Variants in OR2T11 observed in about 807,000 individuals in gnomAD.
OR2T11 encodes olfactory receptor family 2 subfamily T member 11.
A neutral mutation model predicts 13.5 loss-of-function variants in OR2T11; 14 were observed. The ratio of observed to expected loss-of-function variants is 1.04; its 90% CI spans 0.69 to 1.62. The LOEUF is 1.62. Among genes scored for constraint, OR2T11 ranks in the 40% most tolerant of loss-of-function variants. The probability of loss-of-function intolerance (pLI) is 0.00; values close to 1 mark genes in which losing one functional copy is unlikely to be tolerated. For missense variants in OR2T11, 410 were observed against 389.7 expected, an observed-to-expected ratio of 1.05 and a Z score of -0.44; for synonymous variants, 163 against 154.6, an observed-to-expected ratio of 1.05 and a Z score of -0.40.
At position 248,624,072 on chromosome 1, in the gene OR2T11, T is replaced by C. The variant is rs1279094795; in HGVS notation, c.*2106A>G. 7.0e-6 allele frequency: 1 copy of C among 142,208 alleles called. No individual in the cohort carries two copies. The highest frequency in any genetic ancestry group is 6.9e-5 in the Admixed American group (1 of 14,586). The allele number at this position is 142,208 out of a possible 1,614,324, so 8.8% of individuals were successfully genotyped here. Reference sequence around the variant, plus strand: ...CTGCCTGACCTCCTGCTATTGTCACTGAGTTGGCCATGCTCTTACAAAAGT... The same window carrying C: ...CTGCCTGACCTCCTGCTATTGTCACCGAGTTGGCCATGCTCTTACAAAAGT... On this transcript the variant is annotated 3_prime_UTR_variant, in exon 2 of 2. Coordinates refer to ENST00000641193, the MANE Select transcript of OR2T11 (RefSeq NM_001001964.2).
Position 248,625,979 on chromosome 1 carries a change from T to A in OR2T11, c.*199A>T, listed in dbSNP as rs1425509343. ...AATTATTTAACTTCATAATAAACCATTTTTGATACTTCACTGAAAGATCTC... is the reference window on the plus strand; with the variant it reads ...AATTATTTAACTTCATAATAAACCAATTTTGATACTTCACTGAAAGATCTC... On this transcript the variant is annotated 3_prime_UTR_variant, in exon 2 of 2. Transcript: ENST00000641193. The A allele has an allele frequency of 2.3e-6, 1 of 429,674 alleles. No individual in the cohort carries two copies. Among genetic ancestry groups the A allele is most frequent in the African/African-American group, 2.3e-5 (1 of 44,222 alleles). The allele number at this position is 429,674 out of a possible 1,614,324, so 26.6% of individuals were successfully genotyped here.
rs1259354438 is a variant in OR2T11 at position 248,623,791 on chromosome 1, C to T, written c.*2387G>A. The T allele has an allele frequency of 4.2e-5, 6 of 142,906 alleles. 1 individual carries two copies. The allele number at this position is 142,906 out of a possible 1,614,324, so 8.9% of individuals were successfully genotyped here. Reference sequence around the variant, plus strand: ...TATTTTCTGGCCACCATCCCGAACACACATCATGAATCGTCTGACAAATGT... The same window carrying T: ...TATTTTCTGGCCACCATCCCGAACATACATCATGAATCGTCTGACAAATGT... On this transcript the variant is annotated 3_prime_UTR_variant, in exon 2 of 2. Transcript: ENST00000641193.
In OR2T11 at chr1:248,630,681, G is replaced by A. The variant is rs1212561004; in HGVS notation, c.-144-3409C>T. 4.2e-5 allele frequency among the ~76,000 whole-genome samples: 6 copies of A among 143,998 alleles called. 1 individual carries two copies. The highest frequency in any genetic ancestry group is 1.4e-4 in the African/African-American group (5 of 36,660). 94.5% of individuals were successfully genotyped at this position (143,998 alleles called of 152,430 possible). On this transcript the variant is annotated intron_variant, in intron 1 of 1. Coordinates refer to ENST00000641193, the MANE Select transcript of OR2T11 (RefSeq NM_001001964.2). ...GAATTGTCTTCAATAATGCCATAGG[G>A]CTTATTAATTTGCTACTTAAATTGA...
At chr1:248,628,534 T>G (rs1660554897) in intron 1 of OR2T11, among the ~76,000 whole-genome samples, 1 of 140,056 alleles carries the variant, frequency 7.1e-6, no homozygotes, top group African/African-American at 2.9e-5. Flanking sequence ...TTTCAGATAA[T>G]CAAAAAATGT....
chr1:248,633,993 G>GT (rs66647384), intron 1 of OR2T11, among the ~76,000 whole-genome samples: 103,595 of 133,056 alleles, frequency 0.78, 44,606 homozygotes, highest in South Asian at 0.93. Flanking sequence ...GTTTTTTGGT[G>GT]TTTTTTTTTT....
At position 248,627,034 on chromosome 1, in the gene OR2T11, A is replaced by AAT. The variant is rs763763688; in HGVS notation, c.94_95insAT (p.Phe32TyrfsTer6). 2 of 1,570,438 alleles carry AAT rather than the reference A, an allele frequency of 1.3e-6. No homozygotes were observed. Among genetic ancestry groups the AAT allele is most frequent in the Non-Finnish European group, 1.7e-6 (2 of 1,154,824 alleles). ...CAAATTTGCAGTCACGGCCCCCAAG[A>AAT]AAACAGCAAGGATCACTGTAAATAC... On this transcript the variant is annotated frameshift_variant, in exon 2 of 2. Coordinates refer to ENST00000641193, the MANE Select transcript of OR2T11 (RefSeq NM_001001964.2). LOFTEE classifies it high-confidence loss of function.
At chr1:248,630,207 AG>A in intron 1 of OR2T11, among the ~76,000 whole-genome samples, 1 of 143,186 alleles carries the variant, frequency 7.0e-6, no homozygotes, top group Non-Finnish European at 1.5e-5. Context: ...TTTTAATGCT[AG>A]GCACTTGTGT....
chr1:248,626,757 A>AC lies in OR2T11; in HGVS notation c.371dup (p.Cys124TrpfsTer2). 1 of 1,572,514 alleles carries AC rather than the reference A, an allele frequency of 6.4e-7. No homozygotes were observed. Among genetic ancestry groups the AC allele is most frequent in the Non-Finnish European group, 8.6e-7 (1 of 1,156,354 alleles). ...TCAGGACTGGGTATCTCAGAGGGTTACAGACAGCCACGTAGCAGTCATAGG... is the reference window on the plus strand; with the variant it reads ...TCAGGACTGGGTATCTCAGAGGGTTACCAGACAGCCACGTAGCAGTCATAGG... On this transcript the variant is annotated frameshift_variant, in exon 2 of 2. Coordinates refer to ENST00000641193, the MANE Select transcript of OR2T11 (RefSeq NM_001001964.2). LOFTEE classifies it high-confidence loss of function.
In OR2T11 at chr1:248,626,963, T is replaced by C. The variant is rs1479939195; in HGVS notation, c.166A>G (p.Met56Val). 1 of 1,571,678 alleles carries C rather than the reference T, an allele frequency of 6.4e-7. No individual in the cohort carries two copies. Among genetic ancestry groups the C allele is most frequent in the Non-Finnish European group, 8.6e-7 (1 of 1,156,136 alleles). The change falls in exon 2 of 2, where the codon ATG becomes GTG. Residue 56 changes from methionine (M) to valine (V), a missense_variant. By Grantham distance (21) the Met-to-Val change is conservative. Transcript: ENST00000641193. ...GACAGCTGACTGAGCAGAAAGTACA[T>C]GGGGGTGTGGAGGCGAGAGTCCACC... ...IQVDSRLHTP[M>V]YFLLSQLSIM...
In OR2T11 at chr1:248,627,402, C is replaced by T. The variant is rs1174332736; in HGVS notation, c.-144-130G>A. 12 of 431,060 alleles carry T rather than the reference C, an allele frequency of 2.8e-5. 1 individual carries two copies. Among genetic ancestry groups the T allele is most frequent in the African/African-American group, 1.1e-4 (5 of 43,842 alleles). 26.7% of individuals were successfully genotyped at this position (431,060 alleles called of 1,614,324 possible). On this transcript the variant is annotated intron_variant, in intron 1 of 1. Transcript: ENST00000641193. ...ATGCTGCTGGAGGTTATGGTAACTG[C>T]GTGATACAATTGCTGTATGCTACAC...
In OR2T11 at chr1:248,623,959, T is replaced by TG. The variant is rs1009402802; in HGVS notation, c.*2218dup. 9.9e-5 allele frequency: 14 copies of TG among 141,670 alleles called. 2 individuals are homozygous for TG. Among genetic ancestry groups the TG allele is most frequent in the African/African-American group, 3.9e-4 (14 of 35,706 alleles). The allele number at this position is 141,670 out of a possible 1,614,324, so 8.8% of individuals were successfully genotyped here. A position where few individuals can be genotyped will look rare whatever the true frequency, so the allele number is the denominator to read the frequency against. ...TCTCAAACTTTTGACGGGACCACCC[T>TG]GATCTTTACTCATAGACGCTCTCAT... On this transcript the variant is annotated 3_prime_UTR_variant, in exon 2 of 2. Coordinates refer to ENST00000641193, the MANE Select transcript of OR2T11 (RefSeq NM_001001964.2).
Position 248,626,060 on chromosome 1 carries a change from G to T in OR2T11, c.*118C>A. ...CCCGAGGAGCAAGAATCCAGACAGG[G>T]TGAATCATCTTAACTGCCAGTAGTA... On this transcript the variant is annotated 3_prime_UTR_variant, in exon 2 of 2. Coordinates refer to ENST00000641193, the MANE Select transcript of OR2T11 (RefSeq NM_001001964.2). 6.5e-6 allele frequency: 4 copies of T among 615,556 alleles called. 1 individual carries two copies. The highest frequency in any genetic ancestry group is 1.2e-5 in the Non-Finnish European group (4 of 347,220). The allele number at this position is 615,556 out of a possible 1,614,324, so 38.1% of individuals were successfully genotyped here. A position where few individuals can be genotyped will look rare whatever the true frequency, so the allele number is the denominator to read the frequency against.
At position 248,631,455 on chromosome 1, in the gene OR2T11, CA is replaced by C. The variant is rs1297771617; in HGVS notation, c.-145+3582del. On this transcript the variant is annotated intron_variant, in intron 1 of 1. Transcript: ENST00000641193. The stretch of plus-strand genomic sequence containing the variant: ...GGAGCTGGATCCAGGCTCAAGGACT[CA>C]ACTTTTGTTTTTCATGCTCTCTGCC... 7.0e-5 allele frequency among the ~76,000 whole-genome samples: 10 copies of C among 142,660 alleles called. 2 individuals are homozygous for C. Among genetic ancestry groups the C allele is most frequent in the African/African-American group, 1.4e-4 (5 of 36,012 alleles). The allele number at this position is 142,660 out of a possible 152,430, so 93.6% of individuals were successfully genotyped here. A position where few individuals can be genotyped will look rare whatever the true frequency, so the allele number is the denominator to read the frequency against.
intron 1 of OR2T11, among the ~76,000 whole-genome samples, chr1:248,634,683 G>T (rs4916147): frequency 7.3e-6 from 1 of 136,100 alleles, no homozygotes. Context: ...AGGACCTGAC[G>T]TTTCAGTCAT....
In OR2T11 at chr1:248,633,432, AAAT is replaced by A. The variant is rs1316346436; in HGVS notation, c.-145+1603_-145+1605del. ...GCATGTATTATAATCTTGTTCTTAG[AAAT>A]AATCAAAAAAGGTAAAGATTTTTAC... On this transcript the variant is annotated intron_variant, in intron 1 of 1. Transcript: ENST00000641193. Among the ~76,000 whole-genome samples the A allele has an allele frequency of 5.8e-5, 8 of 138,880 alleles. 1 individual carries two copies. The highest frequency in any genetic ancestry group is 2.3e-4 in the African/African-American group (8 of 34,700). 91.1% of individuals were successfully genotyped at this position (138,880 alleles called of 152,430 possible).
chr1:248,630,294 A>C lies in OR2T11; in HGVS notation c.-144-3022T>G, dbSNP rs139536336. On this transcript the variant is annotated intron_variant, in intron 1 of 1. Transcript: ENST00000641193. ...CAAAAAAAACTTCATTCTAGGAAAA[A>C]TAAATAACAAGTTTCTAAGATCAGA... Among the ~76,000 whole-genome samples the C allele has an allele frequency of 4.6e-3, 657 of 143,458 alleles. 133 individuals carry two copies. The highest frequency in any genetic ancestry group is 0.017 in the African/African-American group (636 of 36,344). 94.1% of individuals were successfully genotyped at this position (143,458 alleles called of 152,430 possible). A position where few individuals can be genotyped will look rare whatever the true frequency, so the allele number is the denominator to read the frequency against.
rs66647384 is a variant in OR2T11, at chr1:248,633,993, G to GTTT, written c.-145+1042_-145+1044dup. On this transcript the variant is annotated intron_variant, in intron 1 of 1. Transcript: ENST00000641193. Reference sequence around the variant, plus strand: ...GAAATAATTTAAGTAGTTTTTTGGTGTTTTTTTTTTTGCTTCTAGCATCAC... The same window carrying GTTT: ...GAAATAATTTAAGTAGTTTTTTGGTGTTTTTTTTTTTTTTGCTTCTAGCATCAC... Among the ~76,000 whole-genome samples, 19 of 133,122 alleles carry GTTT rather than the reference G, an allele frequency of 1.4e-4. 2 individuals carry two copies. The East Asian group carries it at 1.7e-3, about 12-fold the overall frequency. The allele number at this position is 133,122 out of a possible 152,430, so 87.3% of individuals were successfully genotyped here.
intron 1 of OR2T11, among the ~76,000 whole-genome samples, chr1:248,630,820 T>C (rs1198993431): frequency 7.0e-6 from 1 of 143,584 alleles, no homozygotes; most frequent in Admixed American, 6.8e-5. Context: ...TATGCTCTCT[T>C]AAGTGGCAAA....
Position 248,626,098 on chromosome 1 carries a change from T to TAG in OR2T11, c.*78_*79dup, listed in dbSNP as rs1660511350. ...ACTGCCAGTAGTAAGTGTAGGTTGA[T>TAG]AGCTGAGCAGATCATCTCCAGGGAA... On this transcript the variant is annotated 3_prime_UTR_variant, in exon 2 of 2. Transcript: ENST00000641193. 1.3e-6 allele frequency: 1 copy of TAG among 788,048 alleles called. No individual in the cohort carries two copies. The highest frequency in any genetic ancestry group is 1.9e-5 in the African/African-American group (1 of 51,858). The allele number at this position is 788,048 out of a possible 1,614,324, so 48.8% of individuals were successfully genotyped here.
Sources: allele counts gnomAD v4.1 joint callset (sites outside exome capture counted in the v4.1 genomes callset), GRCh38; gene constraint gnomAD v4.1.1; transcripts MANE v1.5; gene names NCBI Gene and HGNC (gene_info 2026-07-23, HGNC 2026-07-21).